The following SCAPER variants were observed in gnomAD, a reference collection of about 807,000 sequenced individuals.
SCAPER encodes S phase cyclin A-associated protein in the endoplasmic reticulum.
SCAPER carries 98 observed loss-of-function variants against 182.2 expected under a neutral mutation model. That is an observed-to-expected ratio of 0.54 (90% confidence interval 0.46 to 0.64). SCAPER has a LOEUF of 0.64. SCAPER is among the 30% of genes least tolerant of loss of function. The probability of loss-of-function intolerance (pLI) is 0.00; values close to 1 mark genes in which losing one functional copy is unlikely to be tolerated. For missense variants in SCAPER, 1,432 were observed against 1,690.0 expected, an observed-to-expected ratio of 0.85 and a Z score of 2.68; for synonymous variants, 605 against 564.6, an observed-to-expected ratio of 1.07 and a Z score of -1.01.
At chr15:76,489,015 G>A (rs2051998103) in intron 24 of SCAPER, among the ~76,000 whole-genome samples, 1 of 150,802 alleles carries the variant, frequency 6.6e-6, no homozygotes. Context: ...GAGCCACTGC[G>A]CCCAGCCATC....
At chr15:76,514,622 G>A (rs1175796521) in intron 23 of SCAPER, among the ~76,000 whole-genome samples, 17 of 152,150 alleles carry the variant, frequency 1.1e-4, no homozygotes, top group Non-Finnish European at 1.5e-5. Flanking sequence ...AACTGTTTGC[G>A]TGTTCATTAG....
At chr15:76,726,154 T>TATAA (rs1240260034) in intron 17 of SCAPER, among the ~76,000 whole-genome samples, 3 of 130,246 alleles carry the variant, frequency 2.3e-5, no homozygotes, top group African/African-American at 8.6e-5. Flanking sequence ...TATATATATA[T>TATAA]AAAAAACTCT....
chr15:76,820,545 C>T (rs562442186), intron 5 of SCAPER, among the ~76,000 whole-genome samples: 3 of 132,436 alleles, frequency 2.3e-5, no homozygotes, highest in Non-Finnish European at 4.6e-5. Context: ...ACAATGAGAA[C>T]ATAAGGACAC....
chr15:76,604,424 G>A (rs2050180051), intron 22 of SCAPER, among the ~76,000 whole-genome samples: 1 of 81,820 alleles, frequency 1.2e-5, no homozygotes, highest in Non-Finnish European at 3.1e-5. Context: ...TTTGGTTACT[G>A]TAGCCTTGTA....
At chr15:76,740,389 T>A (rs1244119128) in intron 15 of SCAPER, among the ~76,000 whole-genome samples, 12 of 152,160 alleles carry the variant, frequency 7.9e-5, no homozygotes, top group Admixed American at 7.9e-4. Context: ...TTACATTACT[T>A]CATAAAAAAT....
chr15:76,894,456 G>A (rs914145939), intron 1 of SCAPER, among the ~76,000 whole-genome samples: 2 of 151,640 alleles, frequency 1.3e-5, no homozygotes, highest in Non-Finnish European at 2.9e-5. Context: ...AAAAGAGAAA[G>A]GCAAAACAAC....
intron 25 of SCAPER, among the ~76,000 whole-genome samples, chr15:76,439,752 C>A (rs976802087): frequency 6.6e-6 from 1 of 152,134 alleles, no homozygotes; most frequent in Non-Finnish European, 1.5e-5. Flanking sequence ...TGTGGAGGGG[C>A]AGGGGAAGGT....
At chr15:76,543,002 A>C (rs1348504994) in intron 23 of SCAPER, among the ~76,000 whole-genome samples, 2 of 152,128 alleles carry the variant, frequency 1.3e-5, no homozygotes, top group African/African-American at 2.4e-5. Context: ...TATACCCCAA[A>C]CTCAGTACAT....
chr15:76,877,928 T>C (rs922037685), intron 2 of SCAPER, among the ~76,000 whole-genome samples: 3 of 152,212 alleles, frequency 2.0e-5, no homozygotes, highest in Non-Finnish European at 2.9e-5. Context: ...TGAATTGTGG[T>C]CATATAAAAG....
chr15:76,487,700 T>TA (rs950572597), intron 24 of SCAPER, among the ~76,000 whole-genome samples: 4 of 152,126 alleles, frequency 2.6e-5, no homozygotes, highest in Admixed American at 6.5e-5. Context: ...GTCTGTTAAT[T>TA]AAAAAAACCT....
chr15:76,771,801 T>C lies in SCAPER; in HGVS notation c.1189A>G (p.Lys397Glu). The C allele has an allele frequency of 3.1e-6, 5 of 1,613,222 alleles. No individual in the cohort carries two copies. The highest frequency in any genetic ancestry group is 4.2e-6 in the Non-Finnish European group (5 of 1,179,432). ...GTPPLQVNEE[K>E]FPAEKARIEN... ...ATCCTTGCTTTCTCTGCTGGAAATT[T>C]TTCTTCATTTACTTGTAAAGGAGGT... Residue 397 changes from lysine (K) to glutamate (E), a missense_variant, in exon 10 of 32, where the codon AAA becomes GAA. Physicochemically the swap from Lys to Glu is moderately conservative, Grantham distance 56. This residue lies in a region of SCAPER where 480 missense variants were observed against 510.2 expected (regional missense o/e 0.94). Transcript: ENST00000563290.
At chr15:76,836,061 T>C (rs1011187960) in intron 5 of SCAPER, among the ~76,000 whole-genome samples, 24 of 151,992 alleles carry the variant, frequency 1.6e-4, no homozygotes, top group African/African-American at 5.8e-4. Flanking sequence ...ACATATTCCA[T>C]GCTCATGGAT....
intron 4 of SCAPER, among the ~76,000 whole-genome samples, chr15:76,851,935 A>G (rs951113083): frequency 9.9e-5 from 15 of 152,178 alleles, no homozygotes; most frequent in Non-Finnish European, 2.1e-4. Flanking sequence ...TGCTGTCTTC[A>G]AGAGACCCAT....
intron 21 of SCAPER, among the ~76,000 whole-genome samples, chr15:76,657,588 C>CAAAA (rs35243291): frequency 1.3e-4 from 17 of 129,728 alleles, no homozygotes; most frequent in East Asian, 2.2e-4. Flanking sequence ...GACACAACAA[C>CAAAA]AAAAAAAAAA....
At chr15:76,376,456 T>C (rs2042576066) in intron 28 of SCAPER, 145 bp from the exon 29 acceptor site, 2 of 897,394 alleles carry the variant, frequency 2.2e-6, no homozygotes, top group African/African-American at 3.4e-5. Context: ...AATGCTTTAG[T>C]TTAGGGGTTC....
chr15:76,856,906 T>C (rs952317269), intron 4 of SCAPER, among the ~76,000 whole-genome samples: 5 of 151,910 alleles, frequency 3.3e-5, no homozygotes, highest in African/African-American at 1.2e-4. Flanking sequence ...TAACAACACA[T>C]ATGAAAATAA....
At chr15:76,765,184 A>G in intron 13 of SCAPER, 112 bp from the exon 14 acceptor site, 1 of 1,050,880 alleles carries the variant, frequency 9.5e-7, no homozygotes, top group Non-Finnish European at 1.4e-6. Context: ...ATTTTGGCCC[A>G]ACATTTCGGG....
chr15:76,351,727 C>A (rs955717025), intron 30 of SCAPER, among the ~76,000 whole-genome samples: 3 of 151,996 alleles, frequency 2.0e-5, no homozygotes, highest in Non-Finnish European at 4.4e-5. Flanking sequence ...CTAAGACAAC[C>A]AGCTGCTATT....
At chr15:76,750,968 C>CTTA (rs2062052351) in intron 15 of SCAPER, among the ~76,000 whole-genome samples, 1 of 151,524 alleles carries the variant, frequency 6.6e-6, no homozygotes, top group African/African-American at 2.4e-5. Context: ...ATGATATGAA[C>CTTA]TTATATGTAG....
Sources: gnomAD v4.1 joint callset for allele counts (sites outside exome capture counted in the v4.1 genomes callset) on GRCh38, gnomAD v4.1.1 for gene constraint, gnomAD v4.1.1 regional missense constraint, MANE v1.5 for transcripts, NCBI Gene and HGNC (gene_info 2026-07-23, HGNC 2026-07-21) for gene names.